Variants in ZNF385D observed in about 807,000 individuals in gnomAD.
The protein encoded by ZNF385D is zinc finger protein 659.
Under a neutral mutation model 35.8 loss-of-function variants are expected in ZNF385D, and 15 were observed. That is an observed-to-expected ratio of 0.42 (90% CI 0.28 to 0.64). The LOEUF (loss-of-function observed/expected upper bound fraction) is 0.64. Ranked by LOEUF, ZNF385D falls within the 30% of genes least tolerant of loss-of-function variation. The pLI is 0.23. For synonymous variants in ZNF385D, 212 were observed against 186.8 expected (o/e 1.13, Z -1.10); for missense variants, 474 against 494.6 (o/e 0.96, Z 0.39).
chr3:21,973,547 T>A (rs908963180), intron 3 of ZNF385D, among the ~76,000 whole-genome samples: 31 of 151,942 alleles, frequency 2.0e-4, no homozygotes, highest in African/African-American at 7.5e-4. Context: ...TTATTCAACA[T>A]AGTACTGGAA....
chr3:21,744,874 A>T (rs991738222), intron 1 of ZNF385D, among the ~76,000 whole-genome samples: 5 of 152,250 alleles, frequency 3.3e-5, no homozygotes, highest in South Asian at 2.1e-4. Flanking sequence ...ATAATAATAA[A>T]AAAAGCTAGT....
chr3:21,806,220 T>C (rs1361264875), intron 3 of ZNF385D, among the ~76,000 whole-genome samples: 1 of 151,954 alleles, frequency 6.6e-6, no homozygotes, highest in Middle Eastern at 3.4e-3. Flanking sequence ...TTTTTTTTTT[T>C]TGTGAGGGGG....
chr3:21,471,087 A>G (rs1298636767), intron 4 of ZNF385D, among the ~76,000 whole-genome samples: 1 of 152,162 alleles, frequency 6.6e-6, no homozygotes, highest in Non-Finnish European at 1.5e-5. Flanking sequence ...CTCAATTTAC[A>G]TATGAAAAGA....
intron 2 of ZNF385D, among the ~76,000 whole-genome samples, chr3:22,190,647 G>A (rs1695956692): frequency 6.6e-6 from 1 of 152,074 alleles, no homozygotes; most frequent in South Asian, 2.1e-4. Context: ...TGGTATTGAA[G>A]GAAAATTAAA....
At chr3:22,317,342 T>C (rs7635376) in intron 2 of ZNF385D, among the ~76,000 whole-genome samples, 2,131 of 147,964 alleles carry the variant, frequency 0.014, 44 homozygotes, top group African/African-American at 0.038. Flanking sequence ...AATGCAATTG[T>C]CTTAAACTCA....
intron 3 of ZNF385D, among the ~76,000 whole-genome samples, chr3:21,991,266 A>C (rs1326758896): frequency 6.6e-6 from 1 of 152,172 alleles, no homozygotes; most frequent in Non-Finnish European, 1.5e-5. Context: ...AGATCGTTTC[A>C]TGTTTCTAAG....
In ZNF385D at chr3:21,750,948, CTT is replaced by C; in HGVS notation, c.-34_-33del. 3.1e-6 allele frequency: 5 copies of C among 1,614,076 alleles called. No individual in the cohort carries two copies. The highest frequency in any genetic ancestry group is 4.2e-6 in the Non-Finnish European group (5 of 1,180,014). On this transcript the variant is annotated 5_prime_UTR_variant, in exon 1 of 8. The change creates a premature stop within an existing upstream ORF in the 5' untranslated region. Coordinates refer to ENST00000281523, the MANE Select transcript of ZNF385D (RefSeq NM_024697.3). Reference sequence around the variant, plus strand: ...GACAGCTGGAATCCCACCGCGGTGTCTTCAGCATCAGCTCTCACCCAAGGCTG... The same window carrying C: ...GACAGCTGGAATCCCACCGCGGTGTCCAGCATCAGCTCTCACCCAAGGCTG...
At chr3:22,337,029 T>C (rs1179819532) in intron 2 of ZNF385D, among the ~76,000 whole-genome samples, 3 of 145,750 alleles carry the variant, frequency 2.1e-5, no homozygotes, top group Non-Finnish European at 4.5e-5. Context: ...AATAAAGTCA[T>C]AAAAACCCAT....
rs370184235 is a variant in ZNF385D at position 22,262,941 on chromosome 3, G to C, written c.107-93906C>G. ...CACAGGTGCCTATGAGTCACGCTGAGTCCTTTCTTCTACTGATATCCAACG... is the reference window on the plus strand; with the variant it reads ...CACAGGTGCCTATGAGTCACGCTGACTCCTTTCTTCTACTGATATCCAACG... On this transcript the variant is annotated intron_variant, in intron 2 of 5. Transcript: ENST00000494108. 4.6e-5 allele frequency among the ~76,000 whole-genome samples: 7 copies of C among 152,004 alleles called. No individual in the cohort carries two copies. In the South Asian group the frequency reaches 8.3e-4, roughly 18 times the overall value.
chr3:21,774,244 A>C (rs1031294476), intron 3 of ZNF385D, among the ~76,000 whole-genome samples: 4 of 151,802 alleles, frequency 2.6e-5, no homozygotes, highest in African/African-American at 7.3e-5. Flanking sequence ...CATAGTGGGG[A>C]AACAACACAC....
chr3:21,742,669 C>T (rs1373170731), intron 1 of ZNF385D, among the ~76,000 whole-genome samples: 1 of 152,172 alleles, frequency 6.6e-6, no homozygotes, highest in African/African-American at 2.4e-5. Flanking sequence ...CTCTATGATT[C>T]CTGCTCCTGC....
At chr3:21,923,318 A>C (rs1700569526) in intron 3 of ZNF385D, among the ~76,000 whole-genome samples, 1 of 152,084 alleles carries the variant, frequency 6.6e-6, no homozygotes, top group African/African-American at 2.4e-5. Flanking sequence ...ATACCATCTC[A>C]CACTACTAAG....
At chr3:21,592,100 AGT>A (rs919666416) in intron 2 of ZNF385D, among the ~76,000 whole-genome samples, 1 of 152,136 alleles carries the variant, frequency 6.6e-6, no homozygotes, top group Non-Finnish European at 1.5e-5. Flanking sequence ...GTGGCGATTA[AGT>A]GAGATTATAT....
chr3:21,966,846 C>T (rs1000138450), intron 3 of ZNF385D, among the ~76,000 whole-genome samples: 4 of 152,082 alleles, frequency 2.6e-5, no homozygotes, highest in African/African-American at 9.7e-5. Flanking sequence ...CCTCCGAGGC[C>T]GAAGGATTAT....
At chr3:21,826,743 C>A (rs977848568) in intron 3 of ZNF385D, among the ~76,000 whole-genome samples, 3 of 150,092 alleles carry the variant, frequency 2.0e-5, no homozygotes, top group Admixed American at 1.3e-4. Context: ...TAAATGACAG[C>A]AGAAGGAAAG....
chr3:21,610,492 C>T (rs929921442), intron 2 of ZNF385D, among the ~76,000 whole-genome samples: 7 of 152,000 alleles, frequency 4.6e-5, no homozygotes, highest in African/African-American at 1.2e-4. Flanking sequence ...ATGTGTTGGC[C>T]GGGCGCGGTG....
intron 2 of ZNF385D, among the ~76,000 whole-genome samples, chr3:22,198,517 G>A (rs1473706739): frequency 5.9e-5 from 9 of 152,002 alleles, no homozygotes; most frequent in Admixed American, 5.3e-4. Flanking sequence ...GAGAAGTTAT[G>A]TTTTCTAATA....
At chr3:21,750,862 CCCCA>C in intron 1 of ZNF385D, 29 bp downstream of exon 1, 1 of 1,613,306 alleles carries the variant, frequency 6.2e-7, no homozygotes, top group South Asian at 1.1e-5. Context: ...AGCCGGACAC[CCCCA>C]GAATTACATC....
In ZNF385D at chr3:22,084,150, G is replaced by A. The variant is rs151191766; in HGVS notation, c.325+84667C>T. Among the ~76,000 whole-genome samples, 988 of 152,288 alleles carry A rather than the reference G, an allele frequency of 6.5e-3. 12 individuals carry two copies. Among genetic ancestry groups the A allele is most frequent in the African/African-American group, 0.022 (923 of 41,552 alleles). On this transcript the variant is annotated intron_variant, in intron 3 of 5. Transcript: ENST00000494108. ...AACATGCCAAATTGTAACGACCATCGTTGCTAGGAAGAAATTGCATCAACT... is the reference window on the plus strand; with the variant it reads ...AACATGCCAAATTGTAACGACCATCATTGCTAGGAAGAAATTGCATCAACT...
Sources: allele counts gnomAD v4.1 joint callset (sites outside exome capture counted in the v4.1 genomes callset), GRCh38; gene constraint gnomAD v4.1.1; transcripts MANE v1.5; gene names NCBI Gene and HGNC (gene_info 2026-07-23, HGNC 2026-07-21).